Variants in SYCP2L observed in about 807,000 individuals in gnomAD.
SYCP2L encodes synaptonemal complex protein 2-like.
Under a neutral mutation model 125.8 loss-of-function variants are expected in SYCP2L, and 98 were observed. That is an observed-to-expected ratio of 0.78 (90% CI 0.66 to 0.92). SYCP2L has a LOEUF of 0.92. Ranked by LOEUF, SYCP2L falls within the 40% of genes least tolerant of loss-of-function variation. The pLI, the probability that SYCP2L is intolerant of heterozygous loss-of-function variation, is 0.00. For synonymous variants in SYCP2L, 317 were observed against 325.4 expected (o/e 0.97, Z 0.28); for missense variants, 842 against 936.4 (o/e 0.90, Z 1.32).
chr6:10,949,652 C>T (rs555066319), intron 23 of SYCP2L, among the ~76,000 whole-genome samples: 2 of 149,974 alleles, frequency 1.3e-5, no homozygotes, highest in Admixed American at 1.3e-4. Flanking sequence ...TCTCTAGTAA[C>T]TCTTCTTACT....
At position 10,920,268 on chromosome 6, in the gene SYCP2L, A is replaced by G. The variant is rs140028393; in HGVS notation, c.1073-4228A>G. On this transcript the variant is annotated intron_variant, in intron 14 of 29. Coordinates refer to ENST00000283141, the MANE Select transcript of SYCP2L (RefSeq NM_001040274.3). ...ACTCTCACTGTGTCACCCAGGCTGG[A>G]GTGCAGTGGCGTGATCTTGGCTCAC... 4.3e-4 allele frequency among the ~76,000 whole-genome samples: 65 copies of G among 152,258 alleles called. 1 individual carries two copies. The East Asian group carries it at 0.012, about 28-fold the overall frequency.
At chr6:10,898,209 T>A in intron 5 of SYCP2L, 94 bp downstream of exon 5, 1 of 959,356 alleles carries the variant, frequency 1.0e-6, no homozygotes, top group Non-Finnish European at 1.6e-6. Flanking sequence ...CTATAATATG[T>A]AAGTTTTGTT....
At chr6:10,920,463 A>G (rs1379822794) in intron 14 of SYCP2L, among the ~76,000 whole-genome samples, 1 of 152,160 alleles carries the variant, frequency 6.6e-6, no homozygotes, top group Non-Finnish European at 1.5e-5. Context: ...GTGATCCAAC[A>G]GCCTCGCCCT....
intron 14 of SYCP2L, among the ~76,000 whole-genome samples, chr6:10,918,533 C>CTTTTTTTTT (rs151009735): frequency 6.6e-6 from 1 of 150,724 alleles, no homozygotes. Context: ...CGGGCTCTGA[C>CTTTTTTTTT]TTTTTTTTTC....
chr6:10,959,940 C>G (rs6920247), intron 26 of SYCP2L, among the ~76,000 whole-genome samples: 83,086 of 151,168 alleles, frequency 0.55, 23,757 homozygotes, highest in East Asian at 0.91. Context: ...GCACATGCAC[C>G]TGGACACACA....
At chr6:10,940,528 C>A (rs1383286492) in intron 21 of SYCP2L, among the ~76,000 whole-genome samples, 1 of 152,096 alleles carries the variant, frequency 6.6e-6, no homozygotes, top group Non-Finnish European at 1.5e-5. Context: ...CCATATGCAA[C>A]AACATGGATA....
Position 10,893,854 on chromosome 6 carries a change from A to G in SYCP2L, c.79-13A>G. On this transcript the variant is annotated splice_polypyrimidine_tract_variant and intron_variant, in intron 2 of 29. Coordinates refer to ENST00000283141, the MANE Select transcript of SYCP2L (RefSeq NM_001040274.3). ...TTGGGGAAAAAGTAATTTGCAAACT[A>G]TCATCTTTCCAGCTTCAATCACTTA... 3.1e-6 allele frequency: 5 copies of G among 1,602,088 alleles called. No individual in the cohort carries two copies. The highest frequency in any genetic ancestry group is 4.2e-6 in the Non-Finnish European group (5 of 1,177,686).
chr6:10,897,947 G>T, intron 4 of SYCP2L, 64 bp from the exon 5 acceptor site: 1 of 1,042,796 alleles, frequency 9.6e-7, no homozygotes, highest in East Asian at 2.4e-5. Flanking sequence ...AAATTGTCTT[G>T]TGCAATTTTA....
chr6:10,893,840 G>A (rs1780212965), intron 2 of SYCP2L, 27 bp from the exon 3 acceptor site: 1 of 1,598,722 alleles, frequency 6.3e-7, no homozygotes, highest in East Asian at 2.2e-5. Context: ...TGGGGAAAAA[G>A]TAATTTGCAA....
chr6:10,927,910 T>C (rs1780926814), intron 17 of SYCP2L, among the ~76,000 whole-genome samples: 1 of 152,194 alleles, frequency 6.6e-6, no homozygotes, highest in South Asian at 2.1e-4. Flanking sequence ...TCAGGTATGT[T>C]CCTTGCTGAG....
intron 21 of SYCP2L, among the ~76,000 whole-genome samples, chr6:10,936,406 A>G (rs1781095826): frequency 6.6e-6 from 1 of 152,106 alleles, no homozygotes. Flanking sequence ...CTGAGACAGG[A>G]GAATTGCTTG....
At chr6:10,935,572 T>C (rs1017115836) in intron 21 of SYCP2L, among the ~76,000 whole-genome samples, 2 of 152,166 alleles carry the variant, frequency 1.3e-5, no homozygotes, top group Non-Finnish European at 2.9e-5. Flanking sequence ...TCACCCAGGC[T>C]GGAGTGCAAT....
At chr6:10,909,670 A>G (rs1419812882) in intron 10 of SYCP2L, among the ~76,000 whole-genome samples, 5 of 152,230 alleles carry the variant, frequency 3.3e-5, no homozygotes, top group African/African-American at 1.2e-4. Flanking sequence ...AGGAGAAGAC[A>G]GTGAGATAGA....
chr6:10,929,724 C>T (rs143155534), intron 18 of SYCP2L, among the ~76,000 whole-genome samples: 3,319 of 151,904 alleles, frequency 0.022, 156 homozygotes, highest in East Asian at 0.21. Context: ...CATCTGAGGT[C>T]AGGAGTTTGA....
chr6:10,955,067 G>A, intron 23 of SYCP2L, 49 bp from the exon 24 acceptor site: 4 of 1,375,576 alleles, frequency 2.9e-6, no homozygotes, highest in Non-Finnish European at 4.1e-6. Flanking sequence ...GCCAAAAAAT[G>A]AACAAGATAA....
intron 14 of SYCP2L, among the ~76,000 whole-genome samples, chr6:10,921,839 G>A (rs891105285): frequency 1.3e-5 from 2 of 151,906 alleles, no homozygotes; most frequent in African/African-American, 4.8e-5. Context: ...CCGAGTAGCT[G>A]GGACTACAGG....
At chr6:10,906,548 T>C in intron 9 of SYCP2L, among the ~76,000 whole-genome samples, 1 of 152,154 alleles carries the variant, frequency 6.6e-6, no homozygotes, top group East Asian at 1.9e-4. Flanking sequence ...AGTTTTAGTT[T>C]ATTTGCTGTG....
rs1309845304 is a variant in SYCP2L, at chr6:10,954,070, C to T, written c.1955-1046C>T. Among the ~76,000 whole-genome samples, 2 of 152,170 alleles carry T rather than the reference C, an allele frequency of 1.3e-5. No individual in the cohort carries two copies. The highest frequency in any genetic ancestry group is 4.8e-5 in the African/African-American group (2 of 41,436). On this transcript the variant is annotated intron_variant, in intron 23 of 29. Transcript: ENST00000283141. This position sits in a 1 kb window ranked among gnomAD's most constrained non-coding sequence, Gnocchi z 4.8. ...CTCTCACTATCTGCCAGCCGCATCG[C>T]CCTGCCTCTCGCACATAGTAACGTC...
chr6:10,961,078 C>CAAA (rs112283703), intron 26 of SYCP2L, among the ~76,000 whole-genome samples: 1 of 117,692 alleles, frequency 8.5e-6, no homozygotes, highest in Non-Finnish European at 1.8e-5. Flanking sequence ...AACTCCATCT[C>CAAA]AAAAAAAAAA....
Sources: gnomAD v4.1 joint callset for allele counts (sites outside exome capture counted in the v4.1 genomes callset) on GRCh38, gnomAD v4.1.1 for gene constraint, Gnocchi (gnomAD v3.1) non-coding constraint, MANE v1.5 for transcripts, NCBI Gene and HGNC (gene_info 2026-07-23, HGNC 2026-07-21) for gene names.